PLD4: variants seen among roughly 807,000 people sequenced by gnomAD.
PLD4 encodes phospholipase D family member 4, also known as 5'-3' exonuclease PLD4.
Under a neutral mutation model 52.3 loss-of-function variants are expected in PLD4, and 54 were observed. That is an observed-to-expected ratio of 1.03 (90% CI 0.83 to 1.30). The LOEUF (loss-of-function observed/expected upper bound fraction) is 1.30, where lower values mean the gene tolerates loss of function less well. Among genes scored for constraint, PLD4 ranks in the 50% most tolerant of loss-of-function variants. The probability of loss-of-function intolerance (pLI) is 0.00; values close to 1 mark genes in which losing one functional copy is unlikely to be tolerated. For missense variants in PLD4, 731 were observed against 671.1 expected, an observed-to-expected ratio of 1.09 and a Z score of -0.99; for synonymous variants, 264 against 286.5, an observed-to-expected ratio of 0.92 and a Z score of 0.79.
intron 7 of PLD4, 80 bp from the exon 8 acceptor site, chr14:104,931,668 C>T: frequency 8.6e-6 from 13 of 1,502,954 alleles, no homozygotes; most frequent in Non-Finnish European, 1.2e-5. Context: ...CATGGGGCCT[C>T]TTAGGTGGTG....
intron 4 of PLD4, 105 bp downstream of exon 4, chr14:104,929,037 G>A (rs117751669): frequency 0.028 from 39,067 of 1,393,296 alleles, 595 homozygotes; most frequent in Middle Eastern, 0.053. Flanking sequence ...GGCTCAGCTT[G>A]GTGGTAGGGT....
Position 104,928,784 on chromosome 14 carries a change from C to T in PLD4, c.320C>T (p.Pro107Leu). Residue 107 changes from proline to leucine, a missense_variant, in exon 4 of 11, where the codon CCA (proline) becomes CTA (leucine). Transcript: ENST00000392593. ...VLVESIPQDL[P>L]SAAGSPSAQP... ...GTGGAAAGCATCCCCCAGGACCTGC[C>T]ATCTGCAGCCGGCAGCCCCTCTGCC... 1 of 1,604,814 alleles carries T rather than the reference C, an allele frequency of 6.2e-7. No homozygotes were observed. Among genetic ancestry groups the T allele is most frequent in the South Asian group, 1.1e-5 (1 of 90,658 alleles).
chr14:104,927,627 C>G, intron 2 of PLD4, 46 bp from the exon 3 acceptor site: 1 of 1,491,372 alleles, frequency 6.7e-7, no homozygotes, highest in Non-Finnish European at 8.9e-7. Flanking sequence ...AGCCAGAAGT[C>G]AAGCCCCGCC....
intron 7 of PLD4, 36 bp downstream of exon 7, chr14:104,930,978 C>T: frequency 6.2e-7 from 1 of 1,601,890 alleles, no homozygotes; most frequent in Non-Finnish European, 8.5e-7. Flanking sequence ...TCAGAGGCCC[C>T]TGTTCTCCCC....
chr14:104,929,023 C>A, intron 4 of PLD4, 91 bp downstream of exon 4: 1 of 1,449,182 alleles, frequency 6.9e-7, no homozygotes, highest in East Asian at 2.4e-5. Context: ...GCACCAGGCC[C>A]GGGGGCTCAG....
chr14:104,931,199 G>C (rs532069914), intron 7 of PLD4, among the ~76,000 whole-genome samples: 385 of 152,340 alleles, frequency 2.5e-3, no homozygotes, highest in Non-Finnish European at 4.1e-3. Flanking sequence ...GAAACAGGCC[G>C]CCTGGGAGGT....
intron 5 of PLD4, 91 bp downstream of exon 5, chr14:104,929,518 G>C (rs1475830126): frequency 2.5e-5 from 36 of 1,458,876 alleles, no homozygotes; most frequent in Non-Finnish European, 3.3e-5. Context: ...AGAAGTGAGG[G>C]TGGGAAAGGT....
chr14:104,929,750 A>C (rs1897578565), intron 5 of PLD4, among the ~76,000 whole-genome samples: 1 of 152,226 alleles, frequency 6.6e-6, no homozygotes, highest in Non-Finnish European at 1.5e-5. Context: ...GGCCATGGGC[A>C]GTCACCACAA....
intron 6 of PLD4, 33 bp downstream of exon 6, chr14:104,930,138 C>T: frequency 6.2e-7 from 1 of 1,609,052 alleles, no homozygotes; most frequent in South Asian, 1.1e-5. Context: ...AGGAGGCCTG[C>T]CTGAAGCGTT....
At position 104,929,433 on chromosome 14, in the gene PLD4, T is replaced by C; in HGVS notation, c.589+6T>C. ...GCAGGTTCTGGCTGCCCGAGGTGGGTACCTGCACCATGCTGGGCACCACTG... is the reference window on the plus strand; with the variant it reads ...GCAGGTTCTGGCTGCCCGAGGTGGGCACCTGCACCATGCTGGGCACCACTG... On this transcript the variant is annotated splice_donor_region_variant and intron_variant, in intron 5 of 10. Coordinates refer to ENST00000392593, the MANE Select transcript of PLD4 (RefSeq NM_138790.5). 6.4e-7 allele frequency: 1 copy of C among 1,551,056 alleles called. No individual in the cohort carries two copies. The highest frequency in any genetic ancestry group is 8.7e-7 in the Non-Finnish European group (1 of 1,147,070).
chr14:104,932,367 C>A lies in PLD4; in HGVS notation c.1321+12C>A, dbSNP rs1018261441. 6.2e-7 allele frequency: 1 copy of A among 1,611,792 alleles called. No individual in the cohort carries two copies. Among genetic ancestry groups the A allele is most frequent in the South Asian group, 1.1e-5 (1 of 91,024 alleles). On this transcript the variant is annotated intron_variant, in intron 10 of 10. Transcript: ENST00000392593. This position sits in a 1 kb window ranked among gnomAD's most constrained non-coding sequence, Gnocchi z 6.5. The stretch of plus-strand genomic sequence containing the variant: ...GGCAGCCTACATAGGTGAGCGCGAT[C>A]AGATCACGGCGGGCGGGCCCCAGGG...
At chr14:104,925,425 T>C (rs1897421829) in intron 1 of PLD4, among the ~76,000 whole-genome samples, 1 of 152,106 alleles carries the variant, frequency 6.6e-6, no homozygotes, top group Admixed American at 6.5e-5. Flanking sequence ...CTGGGGTCTG[T>C]AGTCCTGGGA....
At chr14:104,930,721 G>T in intron 6 of PLD4, 21 bp from the exon 7 acceptor site, 2 of 1,612,700 alleles carry the variant, frequency 1.2e-6, no homozygotes, top group Non-Finnish European at 1.7e-6. Context: ...CTCCCACAGC[G>T]CCTGACTTTG....
At chr14:104,934,758 T>TGGAAGA (rs2140808264), downstream of PLD4, 1 of 152,400 alleles carries the variant, frequency 6.6e-6, no homozygotes, top group South Asian at 2.1e-4. Context: ...CTTCCCTCTT[T>TGGAAGA]GCTTTGGGGA....
intron 1 of PLD4, 140 bp from the exon 2 acceptor site, chr14:104,927,001 C>A: frequency 1.5e-6 from 1 of 683,770 alleles, no homozygotes; most frequent in South Asian, 3.8e-5. Flanking sequence ...CAGGGCGTGA[C>A]CTCGGGCATG....
intron 5 of PLD4, 117 bp downstream of exon 5, chr14:104,929,544 A>G (rs1897573328): frequency 9.2e-6 from 13 of 1,406,828 alleles, no homozygotes; most frequent in Non-Finnish European, 1.1e-5. Flanking sequence ...GGACTTCCCT[A>G]GGACACCCCA....
At position 104,931,855 on chromosome 14, in the gene PLD4, T is replaced by C. The variant is rs1157241337; in HGVS notation, c.1026T>C (p.Tyr342=). ...TCATCTATGCCTCCGTGATGGAGTA[T>C]TTCCCCACCACGCGCTTCAGCCACC... ...QEFIYASVME[Y]FPTTRFSHPP... The change falls in exon 8 of 11, where the codon TAT becomes TAC. Residue 342 remains tyrosine, a synonymous_variant. Coordinates refer to ENST00000392593, the MANE Select transcript of PLD4 (RefSeq NM_138790.5). 2 of 1,554,540 alleles carry C rather than the reference T, an allele frequency of 1.3e-6. No homozygotes were observed. Among genetic ancestry groups the C allele is most frequent in the South Asian group, 1.2e-5 (1 of 83,396 alleles).
chr14:104,932,315 C>T lies in PLD4; in HGVS notation c.1281C>T (p.Asn427=), dbSNP rs1468619277. The T allele has an allele frequency of 1.2e-6, 2 of 1,612,588 alleles. No individual in the cohort carries two copies. The highest frequency in any genetic ancestry group is 1.7e-6 in the Non-Finnish European group (2 of 1,179,850). Reference sequence around the variant, plus strand: ...CCAACATCCCATTCAGCAGGGTGAACCACAGCAAGTTCATGGTCACGGAGA... The same window carrying T: ...CCAACATCCCATTCAGCAGGGTGAATCACAGCAAGTTCATGGTCACGGAGA... ...NHSNIPFSRV[N]HSKFMVTEKA... The change falls in exon 10 of 11, where the codon AAC becomes AAT. Residue 427 remains asparagine, a synonymous_variant. Transcript: ENST00000392593. This position sits in a 1 kb window ranked among gnomAD's most constrained non-coding sequence, Gnocchi z 6.5.
At chr14:104,925,741 CGGT>C (rs1897431902) in intron 1 of PLD4, among the ~76,000 whole-genome samples, 1 of 151,942 alleles carries the variant, frequency 6.6e-6, no homozygotes, top group Non-Finnish European at 1.5e-5. Flanking sequence ...AGTGGGGACA[CGGT>C]GGGCACCCTG....
Sources: allele counts gnomAD v4.1 joint callset (sites outside exome capture counted in the v4.1 genomes callset), GRCh38; gene constraint gnomAD v4.1.1; non-coding constraint Gnocchi (gnomAD v3.1); transcripts MANE v1.5; gene names NCBI Gene and HGNC (gene_info 2026-07-23, HGNC 2026-07-21).